The following VTI1A variants were observed in gnomAD, a reference collection of about 807,000 sequenced individuals.
VTI1A encodes vesicle transport through interaction with t-SNAREs 1A, also known as vesicle transport through interaction with t-SNAREs homolog 1A.
In VTI1A, 22 loss-of-function variants were observed where a neutral mutation model predicts 34.9. The ratio of observed to expected loss-of-function variants is 0.63; its 90% CI spans 0.45 to 0.90. The LOEUF is 0.90. VTI1A is among the 40% of genes least tolerant of loss of function. VTI1A has a pLI of 0.00. For missense variants in VTI1A, 268 were observed against 275.6 expected (o/e 0.97, Z 0.20); for synonymous variants, 87 against 97.3 (o/e 0.89, Z 0.62).
chr10:112,660,255 C>G (rs34817508), intron 5 of VTI1A, among the ~76,000 whole-genome samples: 18,006 of 152,194 alleles, frequency 0.12, 1,121 homozygotes, highest in Middle Eastern at 0.15. Context: ...CGCACGCCAC[C>G]ATGCCCAGCT....
chr10:112,551,278 A>G lies in VTI1A; in HGVS notation c.427+12948A>G, dbSNP rs1851352948. Among the ~76,000 whole-genome samples the G allele has an allele frequency of 3.3e-5, 5 of 151,022 alleles. No individual in the cohort carries two copies. The South Asian group carries it at 1.0e-3, about 31-fold the overall frequency. ...AAAAAAAAAAAAAAAAACCTTCACA[A>G]TGGAGCTATTTTTTTTTAAATTTCC... On this transcript the variant is annotated intron_variant, in intron 5 of 7. Transcript: ENST00000393077.
Position 112,815,937 on chromosome 10 carries a change from G to A in VTI1A, c.*554G>A, listed in dbSNP as rs536607051. On this transcript the variant is annotated 3_prime_UTR_variant, in exon 8 of 8. Transcript: ENST00000393077. ...TTGTAAAGGTCGGTATTTAATGTCG[G>A]TTGTACAGGAAATTGACTTAGCACT... is the stretch of plus-strand genomic sequence containing the variant. 14 of 230,756 alleles carry A rather than the reference G, an allele frequency of 6.1e-5. No individual in the cohort carries two copies. Among genetic ancestry groups the A allele is most frequent in the Non-Finnish European group, 1.1e-4 (13 of 116,682 alleles). The allele number at this position is 230,756 out of a possible 1,614,324, so 14.3% of individuals were successfully genotyped here.
chr10:112,590,447 A>G (rs1449965714), intron 5 of VTI1A, among the ~76,000 whole-genome samples: 1 of 152,134 alleles, frequency 6.6e-6, no homozygotes, highest in Non-Finnish European at 1.5e-5. Flanking sequence ...AATCCCAGCA[A>G]TTTGGGAGGC....
chr10:112,743,344 C>T (rs1213311672), intron 7 of VTI1A, among the ~76,000 whole-genome samples: 1 of 152,172 alleles, frequency 6.6e-6, no homozygotes, highest in Non-Finnish European at 1.5e-5. Context: ...AGAGATGACT[C>T]ATGCAGTAAT....
At chr10:112,676,534 A>G (rs1848036282) in intron 7 of VTI1A, among the ~76,000 whole-genome samples, 1 of 152,082 alleles carries the variant, frequency 6.6e-6, no homozygotes, top group South Asian at 2.1e-4. Context: ...CCAACACAGA[A>G]TGTCTTCCTT....
In VTI1A at chr10:112,447,335, A is replaced by G. The variant is rs941319410; in HGVS notation, c.-39A>G. ...GCTGCCCCTCGAGGCCCTTTCCCTG[A>G]CCTAGGCTTTGGCCTGGGCTACTCG... On this transcript the variant is annotated 5_prime_UTR_variant, in exon 1 of 8. Coordinates refer to ENST00000393077, the MANE Select transcript of VTI1A (RefSeq NM_145206.4). 5.6e-6 allele frequency: 9 copies of G among 1,601,744 alleles called. No individual in the cohort carries two copies. In the African/African-American group the frequency reaches 1.1e-4, roughly 19 times the overall value.
chr10:112,629,761 T>A (rs1392627136), intron 5 of VTI1A, among the ~76,000 whole-genome samples: 1 of 152,222 alleles, frequency 6.6e-6, no homozygotes, highest in Non-Finnish European at 1.5e-5. Flanking sequence ...GTTAGTAAGT[T>A]TGCTTGTTTG....
At chr10:112,458,854 G>A (rs1200408720) in intron 1 of VTI1A, among the ~76,000 whole-genome samples, 2 of 151,944 alleles carry the variant, frequency 1.3e-5, no homozygotes, top group Non-Finnish European at 2.9e-5. Context: ...TTTTAGTAGA[G>A]ACGGGGTTTC....
At chr10:112,832,665 C>T in the VTI1A span, among the ~76,000 whole-genome samples, 1 of 152,238 alleles carries the variant, frequency 6.6e-6, no homozygotes, top group Non-Finnish European at 1.5e-5. Flanking sequence ...ACCTGGGTGG[C>T]CCCTGCATCC....
At chr10:112,700,388 T>TA (rs1848969816) in intron 7 of VTI1A, among the ~76,000 whole-genome samples, 1 of 152,168 alleles carries the variant, frequency 6.6e-6, no homozygotes, top group Non-Finnish European at 1.5e-5. Context: ...AAAGCAAAGA[T>TA]ACTTACAAAT....
rs532423676 is a variant in VTI1A, at chr10:112,573,831, A to G, written c.427+35501A>G. 1.2e-4 allele frequency among the ~76,000 whole-genome samples: 18 copies of G among 152,082 alleles called. No homozygotes were observed. The South Asian group carries it at 3.8e-3, about 32-fold the overall frequency. On this transcript the variant is annotated intron_variant, in intron 5 of 7. Coordinates refer to ENST00000393077, the MANE Select transcript of VTI1A (RefSeq NM_145206.4). ...TTGTAATGTTTATTACAATTTAAAA[A>G]CCCCTTTTTTGCCTAAGGTAATTTG...
chr10:112,712,081 T>C (rs1849436842), intron 7 of VTI1A, among the ~76,000 whole-genome samples: 1 of 152,140 alleles, frequency 6.6e-6, no homozygotes, highest in South Asian at 2.1e-4. Flanking sequence ...ACCCAATTAG[T>C]AAGAGAACCT....
chr10:112,669,392 G>C (rs1417470957), intron 7 of VTI1A, among the ~76,000 whole-genome samples: 1 of 152,084 alleles, frequency 6.6e-6, no homozygotes, highest in Non-Finnish European at 1.5e-5. Context: ...TTTGCTCTCT[G>C]TTGCCTTGTT....
At chr10:112,667,397 T>C (rs1847681857) in intron 5 of VTI1A, among the ~76,000 whole-genome samples, 1 of 152,132 alleles carries the variant, frequency 6.6e-6, no homozygotes, top group African/African-American at 2.4e-5. Flanking sequence ...TGGTTATTTA[T>C]GATGTCAAGC....
intron 7 of VTI1A, among the ~76,000 whole-genome samples, chr10:112,788,077 T>G (rs2134050148): frequency 6.6e-6 from 1 of 151,848 alleles, no homozygotes; most frequent in Non-Finnish European, 1.5e-5. Flanking sequence ...TTCAATATTT[T>G]TAATAATAAA....
the VTI1A span, among the ~76,000 whole-genome samples, chr10:112,828,627 G>A: frequency 2.0e-5 from 3 of 151,898 alleles, no homozygotes; most frequent in Non-Finnish European, 2.9e-5. Context: ...GGATGGTCTC[G>A]ATCTCCTGAC....
At chr10:112,660,095 T>TTTG (rs1036495762) in intron 5 of VTI1A, among the ~76,000 whole-genome samples, 12 of 152,204 alleles carry the variant, frequency 7.9e-5, no homozygotes, top group South Asian at 4.1e-4. Context: ...TGAATTCTAA[T>TTTG]TTGTTGTTGT....
intron 2 of VTI1A, among the ~76,000 whole-genome samples, chr10:112,462,600 C>CAA (rs1847761176): frequency 1.3e-5 from 2 of 152,158 alleles, no homozygotes; most frequent in African/African-American, 4.8e-5. Context: ...TGGTGCTTCT[C>CAA]ATTTATGTTG....
chr10:112,458,644 ATATTTT>A (rs199782141), intron 1 of VTI1A, among the ~76,000 whole-genome samples: 21,890 of 148,886 alleles, frequency 0.15, 1,823 homozygotes, highest in African/African-American at 0.23. Context: ...AATTATATAT[ATATTTT>A]TATTTTTATT....
Sources: gnomAD v4.1 joint callset for allele counts (sites outside exome capture counted in the v4.1 genomes callset) on GRCh38, gnomAD v4.1.1 for gene constraint, MANE v1.5 for transcripts, NCBI Gene and HGNC (gene_info 2026-07-23, HGNC 2026-07-21) for gene names.